Variants in CDH12 observed in about 807,000 individuals in gnomAD.
CDH12 encodes cadherin-12.
Under a neutral mutation model 74.1 loss-of-function variants are expected in CDH12, and 41 were observed. That is an observed-to-expected ratio of 0.55 (90% CI 0.43 to 0.72). The LOEUF is 0.72. Ranked by LOEUF, CDH12 falls within the 30% of genes least tolerant of loss-of-function variation. The pLI, the probability that CDH12 is intolerant of heterozygous loss-of-function variation, is 0.00. For missense variants in CDH12, 945 were observed against 977.2 expected (o/e 0.97, Z 0.44); for synonymous variants, 399 against 355.0 (o/e 1.12, Z -1.39).
rs112137011 is a variant in CDH12, at chr5:21,829,531, A to G, written c.815-12399T>C. On this transcript the variant is annotated intron_variant, in intron 8 of 14. Coordinates refer to ENST00000382254, the MANE Select transcript of CDH12 (RefSeq NM_004061.5). ...ATATTTCTTATGTACCAAGTCTTTC[A>G]TTTTCATGGTTTTTAGTATTGCTTA... Among the ~76,000 whole-genome samples the G allele has an allele frequency of 3.0e-3, 461 of 152,232 alleles. 1 individual carries two copies. The highest frequency in any genetic ancestry group is 0.011 in the African/African-American group (447 of 41,540).
chr5:22,070,616 T>A (rs1741873310), intron 5 of CDH12, among the ~76,000 whole-genome samples: 1 of 152,294 alleles, frequency 6.6e-6, no homozygotes, highest in East Asian at 1.9e-4. Flanking sequence ...CCCCAGGTCA[T>A]CCGATTAGAG....
chr5:22,818,381 C>A (rs112895337), intron 1 of CDH12, among the ~76,000 whole-genome samples: 12 of 152,066 alleles, frequency 7.9e-5, no homozygotes, highest in Admixed American at 2.0e-4. Flanking sequence ...TTCCCTCCAC[C>A]CACTATCTCT....
chr5:22,382,156 T>C (rs1302435147), intron 3 of CDH12, among the ~76,000 whole-genome samples: 1 of 145,790 alleles, frequency 6.9e-6, no homozygotes, highest in Non-Finnish European at 1.5e-5. Flanking sequence ...ATTTATAATA[T>C]ATACTATTTT....
chr5:21,752,370 C>A, intron 14 of CDH12, 134 bp from the exon 15 acceptor site: 1 of 705,980 alleles, frequency 1.4e-6, no homozygotes. Flanking sequence ...GTAAACATAC[C>A]ATAATCAATA....
intron 2 of CDH12, among the ~76,000 whole-genome samples, chr5:22,486,555 G>A (rs906677736): frequency 2.7e-5 from 4 of 150,588 alleles, no homozygotes; most frequent in African/African-American, 2.4e-5. Flanking sequence ...AGGTTCAAGC[G>A]ATTCTCCTGC....
intron 4 of CDH12, among the ~76,000 whole-genome samples, chr5:22,118,282 T>C (rs1287090385): frequency 6.6e-6 from 1 of 152,170 alleles, no homozygotes; most frequent in African/African-American, 2.4e-5. Flanking sequence ...CTTAAATTAA[T>C]CTTAAATGAA....
chr5:21,784,955 G>A (rs1416143813), intron 10 of CDH12, among the ~76,000 whole-genome samples: 2 of 151,964 alleles, frequency 1.3e-5, no homozygotes, highest in Non-Finnish European at 2.9e-5. Flanking sequence ...TCCTATTGCC[G>A]TTTTTACAAA....
At chr5:22,392,762 G>A (rs563404089) in intron 3 of CDH12, among the ~76,000 whole-genome samples, 102 of 152,270 alleles carry the variant, frequency 6.7e-4, no homozygotes, top group African/African-American at 2.3e-3. Flanking sequence ...TGTTGCAGCA[G>A]TCTACAGAAG....
chr5:22,200,578 A>C (rs1388200290), intron 4 of CDH12, among the ~76,000 whole-genome samples: 1 of 152,196 alleles, frequency 6.6e-6, no homozygotes, highest in African/African-American at 2.4e-5. Context: ...TGATGTTGGA[A>C]ATGCATTAAA....
intron 1 of CDH12, among the ~76,000 whole-genome samples, chr5:22,763,702 GA>G: frequency 6.6e-6 from 1 of 152,000 alleles, no homozygotes; most frequent in African/African-American, 2.4e-5. Flanking sequence ...CCCATCATGC[GA>G]AAATGTTCAC....
At chr5:22,306,104 C>G (rs191419587) in intron 3 of CDH12, among the ~76,000 whole-genome samples, 1 of 152,266 alleles carries the variant, frequency 6.6e-6, no homozygotes, top group East Asian at 1.9e-4. Flanking sequence ...TTTGTTCAGG[C>G]TCTTTCTTCT....
intron 1 of CDH12, among the ~76,000 whole-genome samples, chr5:22,720,856 T>A (rs1743846155): frequency 6.6e-6 from 1 of 152,176 alleles, no homozygotes; most frequent in Non-Finnish European, 1.5e-5. Flanking sequence ...GCTGTAGACA[T>A]CTGCGGAACT....
At chr5:22,204,777 T>G (rs1278412510) in intron 4 of CDH12, among the ~76,000 whole-genome samples, 1 of 152,192 alleles carries the variant, frequency 6.6e-6, no homozygotes, top group Non-Finnish European at 1.5e-5. Context: ...GAGCTAATGG[T>G]CTCTCTTTTC....
intron 4 of CDH12, among the ~76,000 whole-genome samples, chr5:22,170,763 C>A (rs1297230769): frequency 1.3e-5 from 2 of 151,808 alleles, no homozygotes; most frequent in Admixed American, 6.6e-5. Context: ...AATTTGGGAG[C>A]TGGTGCCACA....
In CDH12 at chr5:22,416,060, C is replaced by CTT. The variant is rs58606764; in HGVS notation, c.-427-10711_-427-10710dup. Among the ~76,000 whole-genome samples the CTT allele has an allele frequency of 2.0e-3, 132 of 65,152 alleles. 6 individuals are homozygous for CTT. Among genetic ancestry groups the CTT allele is most frequent in the Non-Finnish European group, 2.9e-3 (114 of 39,446 alleles). 42.7% of individuals were successfully genotyped at this position (65,152 alleles called of 152,430 possible). A position where few individuals can be genotyped will look rare whatever the true frequency, so the allele number is the denominator to read the frequency against. ...AAACAAGTGTAATGTACTTGTAGGTCTTTTTTTTTTTTTTTTTTTTTTTTT... is the reference window on the plus strand; with the variant it reads ...AAACAAGTGTAATGTACTTGTAGGTCTTTTTTTTTTTTTTTTTTTTTTTTTTT... On this transcript the variant is annotated intron_variant, in intron 2 of 14. Transcript: ENST00000382254.
chr5:22,021,586 T>C (rs1278528844), intron 5 of CDH12, among the ~76,000 whole-genome samples: 1 of 152,226 alleles, frequency 6.6e-6, no homozygotes, highest in East Asian at 1.9e-4. Context: ...TTACTCTGAG[T>C]ACTCGTACAA....
At chr5:22,792,567 A>G (rs1747971712) in intron 1 of CDH12, among the ~76,000 whole-genome samples, 1 of 152,054 alleles carries the variant, frequency 6.6e-6, no homozygotes. Flanking sequence ...ATACACGTAT[A>G]TGGTGGTCAT....
chr5:22,826,716 A>G (rs1007916833), intron 1 of CDH12, among the ~76,000 whole-genome samples: 1 of 152,184 alleles, frequency 6.6e-6, no homozygotes, highest in African/African-American at 2.4e-5. Context: ...GACTGGTGGC[A>G]TTTTGCCCCT....
chr5:22,809,701 G>T (rs1030140844), intron 1 of CDH12, among the ~76,000 whole-genome samples: 8 of 151,780 alleles, frequency 5.3e-5, no homozygotes, highest in African/African-American at 1.9e-4. Flanking sequence ...ACTGCAGAAG[G>T]TAGATATCAT....
Sources: gnomAD v4.1 joint callset for allele counts (sites outside exome capture counted in the v4.1 genomes callset) on GRCh38, gnomAD v4.1.1 for gene constraint, MANE v1.5 for transcripts, NCBI Gene and HGNC (gene_info 2026-07-23, HGNC 2026-07-21) for gene names.